GAREM1: variants seen among roughly 807,000 people sequenced by gnomAD.
The protein encoded by GAREM1 is GRB2 associated regulator of MAPK1 subtype 1.
GAREM1 carries 26 observed loss-of-function variants against 71.3 expected under a neutral mutation model. The observed-to-expected ratio is 0.36, with a 90% CI of 0.27 to 0.51. GAREM1 has a LOEUF of 0.51. Ranked by LOEUF, GAREM1 falls within the 20% of genes least tolerant of loss-of-function variation. The pLI is 0.95. For missense variants in GAREM1, 1,026 were observed against 1,103.1 expected, an observed-to-expected ratio of 0.93 and a Z score of 0.99; for synonymous variants, 440 against 433.2, an observed-to-expected ratio of 1.02 and a Z score of -0.20.
intron 2 of GAREM1, among the ~76,000 whole-genome samples, chr18:32,358,864 T>G (rs1378848913): frequency 6.6e-6 from 1 of 152,084 alleles, no homozygotes; most frequent in African/African-American, 2.4e-5. Flanking sequence ...ATTTGCAGGG[T>G]TCTGTGCAAA....
chr18:32,329,093 C>T (rs192047118), intron 2 of GAREM1, among the ~76,000 whole-genome samples: 42 of 152,248 alleles, frequency 2.8e-4, no homozygotes, highest in African/African-American at 9.1e-4. Context: ...TACTTCTGCC[C>T]GGCATGGTGG....
chr18:32,439,720 T>C (rs1323369486), intron 1 of GAREM1, among the ~76,000 whole-genome samples: 2 of 152,086 alleles, frequency 1.3e-5, no homozygotes, highest in East Asian at 1.9e-4. Context: ...AGGTCATTGA[T>C]TGACATAGCT....
In GAREM1 at chr18:32,372,684, G is replaced by A. The variant is rs1016221969; in HGVS notation, c.262+20211C>T. On this transcript the variant is annotated intron_variant, in intron 2 of 5. Coordinates refer to ENST00000269209, the MANE Select transcript of GAREM1 (RefSeq NM_001242409.2). ...AGAGCAACACACAAAGCTCTCTAGT[G>A]TGGTGTTGCAATGTCAACAAAACTG... Among the ~76,000 whole-genome samples the A allele has an allele frequency of 3.9e-5, 6 of 152,226 alleles. No homozygotes were observed. In the South Asian group the frequency reaches 1.2e-3, roughly 31 times the overall value.
At chr18:32,396,882 A>G (rs1461333859) in intron 1 of GAREM1, among the ~76,000 whole-genome samples, 1 of 152,226 alleles carries the variant, frequency 6.6e-6, no homozygotes, top group Admixed American at 6.5e-5. Flanking sequence ...AAATGAAGGA[A>G]AAAATGTTAA....
intron 1 of GAREM1, among the ~76,000 whole-genome samples, chr18:32,443,262 A>C (rs1469765788): frequency 6.6e-6 from 1 of 152,184 alleles, no homozygotes; most frequent in South Asian, 2.1e-4. Context: ...AAAATCAAAA[A>C]CATATGCAAC....
chr18:32,368,629 C>A (rs569106069), intron 2 of GAREM1, among the ~76,000 whole-genome samples: 17 of 152,276 alleles, frequency 1.1e-4, no homozygotes, highest in African/African-American at 3.9e-4. Flanking sequence ...TGTCCACAGA[C>A]CCTACTGCTA....
At chr18:32,353,837 T>C (rs554487912) in intron 2 of GAREM1, among the ~76,000 whole-genome samples, 59 of 151,954 alleles carry the variant, frequency 3.9e-4, no homozygotes, top group African/African-American at 1.2e-3. Context: ...GAAGACTTAA[T>C]AGGAAGAAGG....
chr18:32,304,816 C>T (rs2047236270), intron 3 of GAREM1, among the ~76,000 whole-genome samples: 1 of 152,158 alleles, frequency 6.6e-6, no homozygotes, highest in African/African-American at 2.4e-5. Context: ...GAGCCTGAGC[C>T]ACTCTACAGT....
Position 32,263,663 on chromosome 18 carries a change from G to T in GAREM1, c.*4208C>A, listed in dbSNP as rs939807329. On this transcript the variant is annotated 3_prime_UTR_variant, in exon 6 of 6. Coordinates refer to ENST00000269209, the MANE Select transcript of GAREM1 (RefSeq NM_001242409.2). Reference sequence around the variant, plus strand: ...TAACGTTTTGGAAAGTAATGCCATTGTTAACTGGTAGTTAACAACCCAAGT... The same window carrying T: ...TAACGTTTTGGAAAGTAATGCCATTTTTAACTGGTAGTTAACAACCCAAGT... 1.3e-5 allele frequency: 2 copies of T among 152,084 alleles called. No individual in the cohort carries two copies. Among genetic ancestry groups the T allele is most frequent in the African/African-American group, 4.8e-5 (2 of 41,408 alleles). 9.4% of individuals were successfully genotyped at this position (152,084 alleles called of 1,614,324 possible). A position where few individuals can be genotyped will look rare whatever the true frequency, so the allele number is the denominator to read the frequency against.
chr18:32,396,061 G>C (rs1190571450), intron 1 of GAREM1, among the ~76,000 whole-genome samples: 5 of 152,358 alleles, frequency 3.3e-5, no homozygotes, highest in African/African-American at 1.2e-4. Context: ...AGGGTCTGGA[G>C]TGGACCTCCA....
At chr18:32,459,065 C>T (rs1375203188) in intron 1 of GAREM1, among the ~76,000 whole-genome samples, 1 of 151,980 alleles carries the variant, frequency 6.6e-6, no homozygotes, top group Non-Finnish European at 1.5e-5. Flanking sequence ...TCCATTCAGT[C>T]ACAAAAGGTC....
At chr18:32,443,909 G>T (rs1055385647) in intron 1 of GAREM1, among the ~76,000 whole-genome samples, 2 of 152,144 alleles carry the variant, frequency 1.3e-5, no homozygotes, top group Admixed American at 6.6e-5. Flanking sequence ...AAATGTTGTA[G>T]ATTGGTACGA....
At chr18:32,319,427 A>G (rs958912033) in intron 2 of GAREM1, among the ~76,000 whole-genome samples, 3 of 152,210 alleles carry the variant, frequency 2.0e-5, no homozygotes, top group African/African-American at 7.2e-5. Flanking sequence ...TTGCCCCATA[A>G]AAGATATGCA....
At chr18:32,319,706 A>AAGATCTATAT (rs917489558) in intron 2 of GAREM1, among the ~76,000 whole-genome samples, 2 of 152,200 alleles carry the variant, frequency 1.3e-5, no homozygotes, top group African/African-American at 4.8e-5. Flanking sequence ...CTTCTTGCTG[A>AAGATCTATAT]AGCAGCTGCT....
intron 1 of GAREM1, among the ~76,000 whole-genome samples, chr18:32,428,780 G>T (rs1352157119): frequency 6.6e-6 from 1 of 152,132 alleles, no homozygotes; most frequent in Non-Finnish European, 1.5e-5. Context: ...AATACTAAAT[G>T]CTTCAACTCT....
intron 1 of GAREM1, among the ~76,000 whole-genome samples, chr18:32,401,315 T>C (rs1243399097): frequency 6.6e-6 from 1 of 151,710 alleles, no homozygotes; most frequent in Non-Finnish European, 1.5e-5. Context: ...CCCTAGAACT[T>C]AAAGTATAAA....
At chr18:32,277,690 T>G (rs1269345680) in intron 4 of GAREM1, among the ~76,000 whole-genome samples, 1 of 152,228 alleles carries the variant, frequency 6.6e-6, no homozygotes, top group Non-Finnish European at 1.5e-5. Context: ...ACATTTAACC[T>G]TCTTTTCCCT....
intron 1 of GAREM1, among the ~76,000 whole-genome samples, chr18:32,431,221 C>G (rs1027640803): frequency 7.9e-5 from 12 of 152,064 alleles, no homozygotes; most frequent in African/African-American, 2.9e-4. Context: ...AACATTAAAA[C>G]ATGACTAAGG....
intron 3 of GAREM1, among the ~76,000 whole-genome samples, chr18:32,309,612 T>A (rs1598950140): frequency 1.9e-5 from 1 of 51,998 alleles, no homozygotes; most frequent in Non-Finnish European, 3.3e-5. Context: ...CAAGACTCAG[T>A]CTCAAAAAAA....
Sources: gnomAD v4.1 joint callset for allele counts (sites outside exome capture counted in the v4.1 genomes callset) on GRCh38, gnomAD v4.1.1 for gene constraint, MANE v1.5 for transcripts, NCBI Gene and HGNC (gene_info 2026-07-23, HGNC 2026-07-21) for gene names.